The following M1AP variants were observed in gnomAD, a reference collection of about 807,000 sequenced individuals.
M1AP encodes the protein meiosis 1 arrest protein.
A neutral mutation model predicts 51.2 loss-of-function variants in M1AP; 39 were observed. The ratio of observed to expected loss-of-function variants is 0.76; its 90% CI spans 0.59 to 1.00. The LOEUF is 1.00. Ranked by LOEUF, M1AP falls within the 50% of genes least tolerant of loss-of-function variation. The pLI is 0.00. For missense variants in M1AP, 545 were observed against 641.2 expected (o/e 0.85, Z 1.62); for synonymous variants, 251 against 249.2 (o/e 1.01, Z -0.07).
At chr2:74,579,854 C>T (rs1679299736) in intron 5 of M1AP, among the ~76,000 whole-genome samples, 2 of 152,132 alleles carry the variant, frequency 1.3e-5, no homozygotes, top group Admixed American at 1.3e-4. Flanking sequence ...GTTGCCCAGG[C>T]TGAAGTGCAG....
intron 8 of M1AP, among the ~76,000 whole-genome samples, chr2:74,560,930 C>G (rs540243535): frequency 6.6e-6 from 1 of 152,134 alleles, no homozygotes. Flanking sequence ...CCAGCAGCGA[C>G]GTGGTTCCAG....
intron 2 of M1AP, among the ~76,000 whole-genome samples, chr2:74,626,256 A>ATTTTTTT (rs1485849068): frequency 2.2e-5 from 3 of 136,516 alleles, no homozygotes; most frequent in African/African-American, 9.0e-5. Flanking sequence ...GCTATATTTC[A>ATTTTTTT]GTTTTTTTTT....
At chr2:74,632,925 G>GA (rs1216848717) in intron 2 of M1AP, among the ~76,000 whole-genome samples, 2 of 151,630 alleles carry the variant, frequency 1.3e-5, no homozygotes, top group Admixed American at 6.6e-5. Context: ...ACTTGAGGAG[G>GA]AAAAAAAATC....
intron 7 of M1AP, among the ~76,000 whole-genome samples, chr2:74,568,737 G>C (rs961689794): frequency 3.3e-5 from 5 of 152,230 alleles, no homozygotes; most frequent in Non-Finnish European, 5.9e-5. Context: ...CCAGTGATTA[G>C]AGGTGGGACC....
intron 3 of M1AP, 70 bp downstream of exon 3, chr2:74,614,894 T>C (rs1681574740): frequency 2.2e-6 from 3 of 1,356,886 alleles, no homozygotes; most frequent in Middle Eastern, 2.4e-4. Context: ...AATGTAAAGA[T>C]GATAAACAAT....
chr2:74,564,655 C>T (rs1678259340), intron 7 of M1AP, among the ~76,000 whole-genome samples: 1 of 152,126 alleles, frequency 6.6e-6, no homozygotes, highest in Admixed American at 6.5e-5. Flanking sequence ...GCAGGAAAGT[C>T]AGCTTGATGC....
At chr2:74,619,103 A>G (rs1399764868) in intron 2 of M1AP, 1 of 334,582 alleles carries the variant, frequency 3.0e-6, no homozygotes, top group Non-Finnish European at 6.0e-6. Context: ...TGTGCTTATT[A>G]TTGAAGACTA....
intron 2 of M1AP, chr2:74,628,548 G>GT (rs2104795570): frequency 3.8e-6 from 2 of 525,692 alleles, no homozygotes; most frequent in Admixed American, 4.5e-5. Flanking sequence ...TGCACAGACT[G>GT]TAAGTCCCAA....
intron 2 of M1AP, among the ~76,000 whole-genome samples, chr2:74,618,120 G>T (rs1289624755): frequency 1.3e-5 from 2 of 152,238 alleles, no homozygotes; most frequent in Non-Finnish European, 2.9e-5. Flanking sequence ...GTGAAGGTCA[G>T]GAGAAGATGT....
chr2:74,646,600 G>A (rs1232287789), intron 1 of M1AP, among the ~76,000 whole-genome samples: 1 of 152,172 alleles, frequency 6.6e-6, no homozygotes, highest in African/African-American at 2.4e-5. Flanking sequence ...AACTTAGAAA[G>A]AAGTATGTCA....
At chr2:74,571,448 T>C (rs1678733294) in intron 7 of M1AP, among the ~76,000 whole-genome samples, 1 of 152,002 alleles carries the variant, frequency 6.6e-6, no homozygotes, top group Non-Finnish European at 1.5e-5. Context: ...TGAAATCAGA[T>C]TTTAAAAGAA....
chr2:74,599,061 T>C (rs2104666927), intron 4 of M1AP, among the ~76,000 whole-genome samples: 1 of 152,136 alleles, frequency 6.6e-6, no homozygotes, highest in South Asian at 2.1e-4. Context: ...GCGGATCACC[T>C]GAGGTCAGGA....
At chr2:74,598,381 C>A (rs1680467348) in intron 4 of M1AP, among the ~76,000 whole-genome samples, 1 of 149,200 alleles carries the variant, frequency 6.7e-6, no homozygotes, top group Non-Finnish European at 1.5e-5. Flanking sequence ...GACTCCATGT[C>A]AATAAATAAA....
At chr2:74,562,500 T>C in intron 7 of M1AP, 77 bp from the exon 8 acceptor site, 1 of 1,520,572 alleles carries the variant, frequency 6.6e-7, no homozygotes, top group South Asian at 1.2e-5. Context: ...CAATTGAAGT[T>C]TCCCTGACTT....
rs767684661 is a variant in M1AP, at chr2:74,615,136, T to C, written c.254A>G (p.Asn85Ser). The change falls in exon 3 of 11, where the codon AAC (asparagine) becomes AGC (serine). Residue 85 changes from asparagine to serine, a missense_variant. Physicochemically the swap from Asn to Ser is conservative, Grantham distance 46. Transcript: ENST00000421985. ...GATGCAGGTCTGCAACCTAGCAAAG[T>C]TCCCTTTCACTTGCTGCAGAGAAAA... ...CILPFVQVKG[N>S]FARLQTCISE... 5.1e-5 allele frequency: 83 copies of C among 1,613,986 alleles called. No individual in the cohort carries two copies. In the Middle Eastern group the frequency reaches 8.2e-4, roughly 16 times the overall value.
At chr2:74,635,435 T>G (rs2104822210) in intron 2 of M1AP, among the ~76,000 whole-genome samples, 1 of 152,232 alleles carries the variant, frequency 6.6e-6, no homozygotes, top group African/African-American at 2.4e-5. Context: ...AAGAATCAAC[T>G]TCTTTTCATT....
At chr2:74,636,780 T>C (rs1683011529) in intron 2 of M1AP, among the ~76,000 whole-genome samples, 1 of 152,138 alleles carries the variant, frequency 6.6e-6, no homozygotes, top group Non-Finnish European at 1.5e-5. Context: ...GTCTTAGGTA[T>C]TTCCTCTACA....
chr2:74,575,444 G>C lies in M1AP; in HGVS notation c.1068C>G (p.Ser356Arg). The stretch of plus-strand genomic sequence containing the variant: ...TGGGGACATGGGTACTCACCAGCAG[G>C]CTGTGACACAAAGCATGGAAATGTT... ...NQQHFHALCHSLLKREWLLLA... is the reference protein window; with the variant it reads ...NQQHFHALCHRLLKREWLLLA... Residue 356 changes from serine to arginine, a missense_variant, in exon 7 of 11, where the codon AGC becomes AGG. Physicochemically the swap from Ser to Arg is moderately radical, Grantham distance 110 (BLOSUM62 -1). Transcript: ENST00000421985. The C allele has an allele frequency of 6.2e-7, 1 of 1,614,064 alleles. No homozygotes were observed. The highest frequency in any genetic ancestry group is 1.1e-5 in the South Asian group (1 of 91,076).
At chr2:74,622,299 G>C (rs750002290) in intron 2 of M1AP, among the ~76,000 whole-genome samples, 2 of 151,838 alleles carry the variant, frequency 1.3e-5, no homozygotes, top group African/African-American at 2.4e-5. Context: ...GAGTGCAGTG[G>C]CACGATCTTG....
Sources: gnomAD v4.1 joint callset for allele counts (sites outside exome capture counted in the v4.1 genomes callset) on GRCh38, gnomAD v4.1.1 for gene constraint, MANE v1.5 for transcripts, NCBI Gene and HGNC (gene_info 2026-07-23, HGNC 2026-07-21) for gene names.